Variants in SHROOM2 observed in about 807,000 individuals in gnomAD.
SHROOM2 encodes shroom family member 2, also known as protein Shroom2.
A neutral mutation model predicts 75.9 loss-of-function variants in SHROOM2; 33 were observed. That is an observed-to-expected ratio of 0.43 (90% CI 0.33 to 0.58). The LOEUF (loss-of-function observed/expected upper bound fraction) is 0.58, where lower values mean the gene tolerates loss of function less well. Ranked by LOEUF, SHROOM2 falls within the 20% of genes least tolerant of loss-of-function variation. SHROOM2 has a pLI of 0.04. For missense variants in SHROOM2, 1,434 were observed against 1,461.2 expected (o/e 0.98, Z 0.30); for synonymous variants, 655 against 663.6 (o/e 0.99, Z 0.20).
intron 1 of SHROOM2, among the ~76,000 whole-genome samples, chrX:9,834,851 C>T (rs972200698): frequency 9.0e-6 from 1 of 111,034 alleles, no homozygotes; most frequent in Non-Finnish European, 1.9e-5. Flanking sequence ...GTGCACTGCC[C>T]GTGCCTGCAG....
intron 1 of SHROOM2, among the ~76,000 whole-genome samples, chrX:9,817,582 C>G (rs2083830233): frequency 8.9e-6 from 1 of 111,886 alleles, no homozygotes; most frequent in African/African-American, 3.2e-5. Context: ...GAAAACAACT[C>G]TCTAAGTTTC....
At chrX:9,820,183 T>TC (rs2083846146) in intron 1 of SHROOM2, among the ~76,000 whole-genome samples, 1 of 106,345 alleles carries the variant, frequency 9.4e-6, no homozygotes, top group African/African-American at 3.4e-5. Flanking sequence ...ATTTTTTTTT[T>TC]TTTTGTAAAT....
At chrX:9,924,081 A>G (rs1419606406) in intron 5 of SHROOM2, among the ~76,000 whole-genome samples, 2 of 112,319 alleles carry the variant, frequency 1.8e-5, no homozygotes, top group East Asian at 5.6e-4. Context: ...GAATCCTGGC[A>G]TACAGGGAGC....
rs2084835233 is a variant in SHROOM2, at chrX:9,947,793, A to G, written c.*856A>G. The G allele has an allele frequency of 8.9e-6, 1 of 112,067 alleles. No homozygotes were observed. The highest frequency in any genetic ancestry group is 3.7e-4 in the South Asian group (1 of 2,739). The allele number at this position is 112,067 out of a possible 1,213,427, so 9.2% of individuals were successfully genotyped here. A position where few individuals can be genotyped will look rare whatever the true frequency, so the allele number is the denominator to read the frequency against. ...GTTACTTTCCCCCCATGTATTTTGTATGCATATGATTGTCCGTGATAATTG... is the reference window on the plus strand; with the variant it reads ...GTTACTTTCCCCCCATGTATTTTGTGTGCATATGATTGTCCGTGATAATTG... On this transcript the variant is annotated 3_prime_UTR_variant, in exon 10 of 10. Coordinates refer to ENST00000380913, the MANE Select transcript of SHROOM2 (RefSeq NM_001649.4).
intron 1 of SHROOM2, among the ~76,000 whole-genome samples, chrX:9,801,622 T>A (rs1163701962): frequency 1.8e-5 from 2 of 112,399 alleles, no homozygotes; most frequent in Non-Finnish European, 3.7e-5. Context: ...AATTATAATA[T>A]TTTGACTACA....
intron 1 of SHROOM2, among the ~76,000 whole-genome samples, chrX:9,822,967 T>C (rs927939068): frequency 9.2e-6 from 1 of 108,489 alleles, no homozygotes; most frequent in Non-Finnish European, 1.9e-5. Context: ...AAACTCAATT[T>C]TGAGAATAAG....
rs765385639 is a variant in SHROOM2, at chrX:9,932,652, C to G, written c.3369C>G (p.Pro1123=). Residue 1123 remains proline, a synonymous_variant, in exon 6 of 10, where the codon CCC becomes CCG. Transcript: ENST00000380913. Reference sequence around the variant, plus strand: ...CCTCTGTGTTCAGCAGTGCCCAGCCCCAGGACACCCCGAAGGCCACTGTCT... The same window carrying G: ...CCTCTGTGTTCAGCAGTGCCCAGCCGCAGGACACCCCGAAGGCCACTGTCT... ...HSPSVFSSAQ[P]QDTPKATVCE... The G allele has an allele frequency of 1.5e-5, 18 of 1,211,101 alleles. No homozygotes were observed. Among genetic ancestry groups the G allele is most frequent in the Non-Finnish European group, 1.9e-5 (17 of 895,007 alleles).
Position 9,895,043 on chromosome X carries a change from G to T in SHROOM2, c.1135G>T (p.Gly379Trp). 5 of 1,207,708 alleles carry T rather than the reference G, an allele frequency of 4.1e-6. No homozygotes were observed. Among genetic ancestry groups the T allele is most frequent in the Middle Eastern group, 4.6e-4 (2 of 4,329 alleles). The change falls in exon 4 of 10, where the codon GGG becomes TGG. Residue 379 changes from glycine to tryptophan, a missense_variant. Transcript: ENST00000380913. ...PWRSAHPGSL[G>W]KGSGGPGCPQ... is the part of the protein sequence containing the mutation. ...GAGGTCAGCACACCCGGGGAGCCTC[G>T]GGAAGGGATCGGGAGGCCCGGGCTG...
At chrX:9,885,493 C>T (rs1361234426) in intron 2 of SHROOM2, among the ~76,000 whole-genome samples, 1 of 110,956 alleles carries the variant, frequency 9.0e-6, no homozygotes, top group Non-Finnish European at 1.9e-5. Flanking sequence ...ACTCTGACCC[C>T]GGCTTGATCC....
At chrX:9,891,421 C>T (rs1190468233) in intron 3 of SHROOM2, among the ~76,000 whole-genome samples, 2 of 112,370 alleles carry the variant, frequency 1.8e-5, no homozygotes, top group African/African-American at 6.5e-5. Context: ...CCTCTCCTTT[C>T]CAGGGTTTTA....
At chrX:9,814,510 A>T (rs1379859871) in intron 1 of SHROOM2, among the ~76,000 whole-genome samples, 1 of 110,944 alleles carries the variant, frequency 9.0e-6, no homozygotes, top group Non-Finnish European at 1.9e-5. Context: ...GCCTGCTGGG[A>T]CTTTAGTGAT....
chrX:9,882,750 CT>C (rs1304694237), intron 2 of SHROOM2, among the ~76,000 whole-genome samples: 1 of 112,072 alleles, frequency 8.9e-6, no homozygotes, highest in African/African-American at 3.2e-5. Context: ...GAGAGCAACT[CT>C]GGGGCTCTCA....
intron 5 of SHROOM2, among the ~76,000 whole-genome samples, chrX:9,914,143 G>T (rs1266577782): frequency 1.0e-5 from 1 of 96,013 alleles, no homozygotes; most frequent in Non-Finnish European, 2.0e-5. Context: ...AATTGCAGGG[G>T]AATTCTCATC....
chrX:9,868,145 A>G (rs1367929188), intron 1 of SHROOM2, among the ~76,000 whole-genome samples: 3 of 111,930 alleles, frequency 2.7e-5, no homozygotes, highest in African/African-American at 9.7e-5. Context: ...GGTTTTGCCT[A>G]AAGATTTTCC....
chrX:9,792,034 T>A (rs1273589569), intron 1 of SHROOM2, among the ~76,000 whole-genome samples: 2,042 of 3,465 alleles, frequency 0.59, 205 homozygotes, highest in African/African-American at 0.61. Context: ...TAGAATAGAA[T>A]AGAATAGAAT....
At chrX:9,890,332 A>G (rs113516734) in intron 2 of SHROOM2, among the ~76,000 whole-genome samples, 3,659 of 112,785 alleles carry the variant, frequency 0.032, 147 homozygotes, top group African/African-American at 0.11. Flanking sequence ...ATGCCATTGC[A>G]CTCCAGCCTG....
Position 9,937,443 on chromosome X carries a change from A to G in SHROOM2, c.3897A>G (p.Pro1299=). The G allele has an allele frequency of 1.7e-6, 2 of 1,210,911 alleles. No individual in the cohort carries two copies. The highest frequency in any genetic ancestry group is 2.2e-6 in the Non-Finnish European group (2 of 895,240). Residue 1299 remains proline, a synonymous_variant, in exon 7 of 10, where the codon CCA becomes CCG. Transcript: ENST00000380913. ...PPEKDRCTSP[P]GLSYMKAKEK... Reference sequence around the variant, plus strand: ...AGAAAGACCGCTGCACCTCCCCTCCAGGGCTCAGCTACATGAAGGCCAAAG... The same window carrying G: ...AGAAAGACCGCTGCACCTCCCCTCCGGGGCTCAGCTACATGAAGGCCAAAG...
intron 1 of SHROOM2, among the ~76,000 whole-genome samples, chrX:9,835,798 A>T: frequency 9.3e-6 from 1 of 107,579 alleles, no homozygotes; most frequent in Middle Eastern, 4.8e-3. Flanking sequence ...AGTCCAGTGG[A>T]ACCATCATAG....
At chrX:9,862,943 C>T (rs779814957) in intron 1 of SHROOM2, among the ~76,000 whole-genome samples, 43 of 111,840 alleles carry the variant, frequency 3.8e-4, no homozygotes, top group Middle Eastern at 4.6e-3. Flanking sequence ...AGGTGGATCT[C>T]GGCCTGTGCT....
Sources: gnomAD v4.1 joint callset for allele counts (sites outside exome capture counted in the v4.1 genomes callset) on GRCh38, gnomAD v4.1.1 for gene constraint, MANE v1.5 for transcripts, NCBI Gene and HGNC (gene_info 2026-07-23, HGNC 2026-07-21) for gene names.